The following DCC variants were observed in gnomAD, a reference collection of about 807,000 sequenced individuals.
DCC encodes DCC netrin 1 receptor, also known as netrin receptor DCC.
A neutral mutation model predicts 172.5 loss-of-function variants in DCC; 58 were observed. The ratio of observed to expected loss-of-function variants is 0.34; its 90% confidence interval spans 0.27 to 0.42. DCC has a LOEUF of 0.42. Among genes scored for constraint, DCC ranks in the 10% least tolerant of loss-of-function variants. The pLI, the probability that DCC is intolerant of heterozygous loss-of-function variation, is 1.00. For missense variants in DCC, 1,740 were observed against 1,791.0 expected (o/e 0.97, Z 0.51); for synonymous variants, 709 against 644.5 (o/e 1.10, Z -1.52).
At chr18:52,905,990 G>A (rs1356777975) in intron 2 of DCC, 54 bp from the exon 3 acceptor site, 9 of 1,162,018 alleles carry the variant, frequency 7.7e-6, no homozygotes, top group Admixed American at 1.7e-5. Context: ...TTTTATTGGC[G>A]ATTATTGTGC....
At chr18:53,156,187 T>C (rs1274988498) in intron 7 of DCC, among the ~76,000 whole-genome samples, 1 of 152,214 alleles carries the variant, frequency 6.6e-6, no homozygotes, top group African/African-American at 2.4e-5. Flanking sequence ...ATGAATATTT[T>C]AAAGAATCAC....
chr18:52,686,607 C>A (rs1160080251), intron 1 of DCC, among the ~76,000 whole-genome samples: 1 of 152,050 alleles, frequency 6.6e-6, no homozygotes, highest in African/African-American at 2.4e-5. Context: ...GATTCAGAAC[C>A]CCATTAGATC....
At chr18:52,653,956 C>G (rs1568276586) in intron 1 of DCC, among the ~76,000 whole-genome samples, 1 of 152,104 alleles carries the variant, frequency 6.6e-6, no homozygotes, top group Non-Finnish European at 1.5e-5. Flanking sequence ...GTGATCAAAT[C>G]TAAACTGCAT....
At chr18:52,882,581 T>C (rs1314528606) in intron 2 of DCC, among the ~76,000 whole-genome samples, 1 of 152,106 alleles carries the variant, frequency 6.6e-6, no homozygotes, top group Non-Finnish European at 1.5e-5. Context: ...CCAAAATGCC[T>C]CTGGTTATTG....
chr18:53,020,261 G>A (rs1342685576), intron 5 of DCC, among the ~76,000 whole-genome samples: 1 of 152,020 alleles, frequency 6.6e-6, no homozygotes, highest in African/African-American at 2.4e-5. Context: ...GGCTTGATTT[G>A]GCCATAGATC....
At chr18:53,135,312 G>A (rs1024834569) in intron 7 of DCC, among the ~76,000 whole-genome samples, 17 of 152,074 alleles carry the variant, frequency 1.1e-4, no homozygotes, top group African/African-American at 3.9e-4. Flanking sequence ...GGTGGGATCA[G>A]GATGAAATAA....
intron 5 of DCC, among the ~76,000 whole-genome samples, chr18:53,005,040 C>A (rs561827355): frequency 1.3e-5 from 2 of 152,120 alleles, no homozygotes; most frequent in South Asian, 2.1e-4. Flanking sequence ...TGCTCTCTTG[C>A]TTTTGTGCTC....
At chr18:52,350,336 C>A (rs558953818) in intron 1 of DCC, among the ~76,000 whole-genome samples, 1 of 152,178 alleles carries the variant, frequency 6.6e-6, no homozygotes, top group Admixed American at 6.6e-5. Context: ...TGATGGATTA[C>A]ATTTATTGAT....
At chr18:52,960,079 C>T (rs554484609) in intron 5 of DCC, among the ~76,000 whole-genome samples, 12 of 152,070 alleles carry the variant, frequency 7.9e-5, no homozygotes, top group African/African-American at 1.4e-4. Flanking sequence ...TGGAGATACA[C>T]GCACCCACGC....
At chr18:53,164,116 T>A (rs1009726790) in intron 8 of DCC, among the ~76,000 whole-genome samples, 4 of 152,188 alleles carry the variant, frequency 2.6e-5, no homozygotes, top group Admixed American at 6.5e-5. Flanking sequence ...GAACTAAATG[T>A]TCTTGATATT....
chr18:53,181,411 CTTTT>C (rs201013582), intron 9 of DCC, among the ~76,000 whole-genome samples: 2 of 128,982 alleles, frequency 1.6e-5, no homozygotes, highest in African/African-American at 2.8e-5. Context: ...AATTTTACTT[CTTTT>C]TTTTTTTTTT....
chr18:52,920,649 T>C (rs1236571424), intron 3 of DCC, among the ~76,000 whole-genome samples: 1 of 152,154 alleles, frequency 6.6e-6, no homozygotes, highest in South Asian at 2.1e-4. Context: ...CTAAACAGTT[T>C]TACCATACAA....
At chr18:53,324,633 CA>C (rs1292148402) in intron 14 of DCC, among the ~76,000 whole-genome samples, 4 of 152,056 alleles carry the variant, frequency 2.6e-5, no homozygotes, top group African/African-American at 9.7e-5. Context: ...CAAGAACAGT[CA>C]TCCTGAATAG....
intron 1 of DCC, among the ~76,000 whole-genome samples, chr18:52,647,389 G>A (rs985522980): frequency 6.6e-5 from 10 of 152,164 alleles, no homozygotes; most frequent in African/African-American, 2.4e-4. Context: ...ACAGTATGGA[G>A]GACAGGTAGT....
intron 1 of DCC, among the ~76,000 whole-genome samples, chr18:52,493,677 G>A (rs1039752612): frequency 4.6e-5 from 7 of 151,698 alleles, no homozygotes. Flanking sequence ...TTATAACTTC[G>A]AGTTTTCTCC....
intron 6 of DCC, among the ~76,000 whole-genome samples, chr18:53,064,521 G>T (rs571840133): frequency 5.3e-5 from 8 of 152,064 alleles, no homozygotes; most frequent in African/African-American, 1.7e-4. Context: ...TCTCTCCATC[G>T]TATTACAATG....
rs115021994 is a variant in DCC at position 53,116,346 on chromosome 18, A to T, written c.1262-41010A>T. 1.5e-3 allele frequency among the ~76,000 whole-genome samples: 226 copies of T among 151,846 alleles called. 2 individuals are homozygous for T. The highest frequency in any genetic ancestry group is 5.3e-3 in the African/African-American group (222 of 41,526). On this transcript the variant is annotated intron_variant, in intron 7 of 28. Transcript: ENST00000442544. ...GAGGATTCCATTGTTTATTTGGGATACGCCTTATGTAAATGGAGAGGAAGA... is the reference window on the plus strand; with the variant it reads ...GAGGATTCCATTGTTTATTTGGGATTCGCCTTATGTAAATGGAGAGGAAGA...
chr18:53,084,911 T>G (rs2042857092), intron 7 of DCC, among the ~76,000 whole-genome samples: 1 of 152,204 alleles, frequency 6.6e-6, no homozygotes, highest in South Asian at 2.1e-4. Flanking sequence ...TGGACAATGT[T>G]GAACAAATAG....
intron 1 of DCC, among the ~76,000 whole-genome samples, chr18:52,358,482 C>T (rs1422981041): frequency 6.6e-6 from 1 of 152,154 alleles, no homozygotes; most frequent in Non-Finnish European, 1.5e-5. Context: ...TCAGAGAGTA[C>T]TTATAAAATC....
Sources: gnomAD v4.1 joint callset for allele counts (sites outside exome capture counted in the v4.1 genomes callset) on GRCh38, gnomAD v4.1.1 for gene constraint, MANE v1.5 for transcripts, NCBI Gene and HGNC (gene_info 2026-07-23, HGNC 2026-07-21) for gene names.